Variants in MCF2L2 observed in about 807,000 individuals in gnomAD.
The protein encoded by MCF2L2 is probable guanine nucleotide exchange factor MCF2L2.
A neutral mutation model predicts 150.2 loss-of-function variants in MCF2L2; 102 were observed. The ratio of observed to expected loss-of-function variants is 0.68; its 90% CI spans 0.58 to 0.80. The LOEUF (loss-of-function observed/expected upper bound fraction) is 0.80. Among genes scored for constraint, MCF2L2 ranks in the 30% least tolerant of loss-of-function variants. The pLI, the probability that MCF2L2 is intolerant of heterozygous loss-of-function variation, is 0.00. For synonymous variants in MCF2L2, 465 were observed against 491.3 expected, an observed-to-expected ratio of 0.95 and a Z score of 0.71; for missense variants, 1,256 against 1,372.8, an observed-to-expected ratio of 0.91 and a Z score of 1.34.
chr3:183,270,922 C>T lies in MCF2L2; in HGVS notation c.1862+5950G>A. ...TATGTGGACACATACCCTTGTAGGG[C>T]TGCGTTTATCTAATAGTACTTGAAT... On this transcript the variant is annotated intron_variant, in intron 15 of 29. Transcript: ENST00000328913. The surrounding 1 kb of genome is among the most constrained non-coding windows in gnomAD (Gnocchi z 4.5). The T allele has an allele frequency of 6.3e-7, 1 of 1,574,824 alleles. No individual in the cohort carries two copies. Among genetic ancestry groups the T allele is most frequent in the South Asian group, 1.2e-5 (1 of 83,556 alleles).
chr3:183,378,901 C>T (rs1048781029), intron 3 of MCF2L2: 3 of 155,522 alleles, frequency 1.9e-5, no homozygotes, highest in Non-Finnish European at 4.2e-5. Flanking sequence ...TGCTTGAACT[C>T]GGGAGGCGGA....
chr3:183,319,628 G>C (rs1729733019), intron 6 of MCF2L2, among the ~76,000 whole-genome samples: 1 of 152,208 alleles, frequency 6.6e-6, no homozygotes. Context: ...ACAAGCTGCA[G>C]CATAGATGTT....
At chr3:183,299,634 C>G (rs747153095) in intron 11 of MCF2L2, 9 of 186,416 alleles carry the variant, frequency 4.8e-5, no homozygotes, top group Non-Finnish European at 8.8e-5. Flanking sequence ...AGTCAAAACC[C>G]TTTGCCTTTA....
intron 20 of MCF2L2, among the ~76,000 whole-genome samples, chr3:183,222,300 C>G (rs900508910): frequency 2.6e-5 from 4 of 152,090 alleles, no homozygotes; most frequent in Admixed American, 2.6e-4. Flanking sequence ...TACTGTAATC[C>G]CAGCACTTTG....
At chr3:183,370,156 C>A (rs1038982130) in intron 3 of MCF2L2, among the ~76,000 whole-genome samples, 3 of 152,250 alleles carry the variant, frequency 2.0e-5, no homozygotes, top group Non-Finnish European at 4.4e-5. Flanking sequence ...GAAAGCCAAG[C>A]TACAAGTTAA....
chr3:183,253,033 TGAGTA>T (rs1319584429), intron 15 of MCF2L2, among the ~76,000 whole-genome samples: 11 of 152,344 alleles, frequency 7.2e-5, no homozygotes, highest in Admixed American at 6.5e-4. Context: ...GTTGGCCATT[TGAGTA>T]AGTGATCGCA....
intron 13 of MCF2L2, among the ~76,000 whole-genome samples, chr3:183,293,385 A>G (rs1416586238): frequency 6.6e-6 from 1 of 152,278 alleles, no homozygotes; most frequent in Non-Finnish European, 1.5e-5. Context: ...CATCCTGCCC[A>G]AGGGCAGTTT....
intron 7 of MCF2L2, among the ~76,000 whole-genome samples, chr3:183,312,337 CA>C: frequency 6.6e-6 from 1 of 152,312 alleles, no homozygotes; most frequent in South Asian, 2.1e-4. Context: ...GCCAACCCCC[CA>C]TTCTACTCTT....
chr3:183,416,802 AGGTAT>A (rs2108628387), intron 1 of MCF2L2, among the ~76,000 whole-genome samples: 1 of 152,294 alleles, frequency 6.6e-6, no homozygotes, highest in South Asian at 2.1e-4. Context: ...ATATTGTATT[AGGTAT>A]TATAAGTAAT....
At chr3:183,387,328 T>G (rs1384503842) in intron 2 of MCF2L2, among the ~76,000 whole-genome samples, 1 of 150,500 alleles carries the variant, frequency 6.6e-6, no homozygotes, top group Non-Finnish European at 1.5e-5. Flanking sequence ...AACTCAGAAA[T>G]GAAGGGTTAT....
At chr3:183,216,158 A>G in intron 21 of MCF2L2, 64 bp from the exon 22 acceptor site, 1 of 1,578,596 alleles carries the variant, frequency 6.3e-7, no homozygotes, top group Non-Finnish European at 8.6e-7. Flanking sequence ...AAGAAGGAAA[A>G]CAGGACAGAG....
intron 15 of MCF2L2, among the ~76,000 whole-genome samples, chr3:183,265,025 C>A (rs1011167245): frequency 2.0e-5 from 3 of 152,222 alleles, no homozygotes; most frequent in Admixed American, 2.0e-4. Flanking sequence ...TCTGAGATAT[C>A]TGCATATTTT....
intron 15 of MCF2L2, among the ~76,000 whole-genome samples, chr3:183,275,034 T>C (rs1000232363): frequency 6.6e-6 from 1 of 152,108 alleles, no homozygotes; most frequent in African/African-American, 2.4e-5. Context: ...CTTGCTTAAG[T>C]TGGTTTCCCT....
At chr3:183,294,115 A>C (rs990087481) in intron 13 of MCF2L2, among the ~76,000 whole-genome samples, 4 of 152,198 alleles carry the variant, frequency 2.6e-5, no homozygotes, top group African/African-American at 9.6e-5. Context: ...TAGCCAAAAC[A>C]ACCTTGAAAA....
intron 14 of MCF2L2, among the ~76,000 whole-genome samples, chr3:183,285,751 C>G (rs999399506): frequency 6.6e-6 from 1 of 152,050 alleles, no homozygotes; most frequent in Non-Finnish European, 1.5e-5. Flanking sequence ...TCTGGGAGCA[C>G]AGAATAGGCT....
chr3:183,377,687 ACT>A (rs1252804118), intron 3 of MCF2L2: 1 of 152,132 alleles, frequency 6.6e-6, no homozygotes, highest in Non-Finnish European at 1.5e-5. Flanking sequence ...TTAAAAAAAG[ACT>A]CTGTGAAAGC....
At position 183,309,841 on chromosome 3, in the gene MCF2L2, A is replaced by C; in HGVS notation, c.994-6T>G. 1 of 1,613,534 alleles carries C rather than the reference A, an allele frequency of 6.2e-7. No individual in the cohort carries two copies. The highest frequency in any genetic ancestry group is 8.5e-7 in the Non-Finnish European group (1 of 1,180,012). On this transcript the variant is annotated splice_region_variant and splice_polypyrimidine_tract_variant and intron_variant, in intron 9 of 29. Transcript: ENST00000328913. Reference sequence around the variant, plus strand: ...TTATCCAGGGCAAGCTTAGCCTACAAGAAACATTAGAACAGTCCAGAAGTA... The same window carrying C: ...TTATCCAGGGCAAGCTTAGCCTACACGAAACATTAGAACAGTCCAGAAGTA...
chr3:183,275,640 G>A (rs1166224915), intron 15 of MCF2L2, among the ~76,000 whole-genome samples: 1 of 151,870 alleles, frequency 6.6e-6, no homozygotes, highest in Non-Finnish European at 1.5e-5. Context: ...ACAGGGTTTT[G>A]CTCTGTCACC....
chr3:183,231,234 A>G (rs1723543950), intron 15 of MCF2L2: 1 of 649,366 alleles, frequency 1.5e-6, no homozygotes, highest in Non-Finnish European at 2.9e-6. Flanking sequence ...AAGAAACAGC[A>G]AGGTTAGAGA....
Sources: gnomAD v4.1 joint callset for allele counts (sites outside exome capture counted in the v4.1 genomes callset) on GRCh38, gnomAD v4.1.1 for gene constraint, Gnocchi (gnomAD v3.1) non-coding constraint, MANE v1.5 for transcripts, NCBI Gene and HGNC (gene_info 2026-07-23, HGNC 2026-07-21) for gene names.